The following ECE1 variants were observed in gnomAD, a reference collection of about 807,000 sequenced individuals.
ECE1 encodes the protein endothelin-converting enzyme 1.
In ECE1, 35 loss-of-function variants were observed where a neutral mutation model predicts 98.6. That is an observed-to-expected ratio of 0.35 (90% confidence interval 0.27 to 0.47). The LOEUF is 0.47. ECE1 is among the 20% of genes least tolerant of loss of function. ECE1 has a pLI of 1.00. For missense variants in ECE1, 814 were observed against 1,025.3 expected, an observed-to-expected ratio of 0.79 and a Z score of 2.81; for synonymous variants, 394 against 407.1, an observed-to-expected ratio of 0.97 and a Z score of 0.39.
intron 1 of ECE1, among the ~76,000 whole-genome samples, chr1:21,302,910 G>A (rs968171004): frequency 2.6e-5 from 4 of 152,190 alleles, no homozygotes; most frequent in South Asian, 4.1e-4. Context: ...GCAGCCTGCC[G>A]TGGCCCTGGG....
chr1:21,259,279 T>A (rs1024101916), intron 5 of ECE1, among the ~76,000 whole-genome samples: 2 of 152,128 alleles, frequency 1.3e-5, no homozygotes, highest in African/African-American at 4.8e-5. Context: ...TTAAAAAAAT[T>A]TTTTTTGAGA....
intron 10 of ECE1, among the ~76,000 whole-genome samples, chr1:21,244,543 T>C (rs921279577): frequency 1.3e-5 from 2 of 152,158 alleles, no homozygotes; most frequent in Non-Finnish European, 2.9e-5. Context: ...TCAGGGCTCC[T>C]GGCAGGGGCA....
intron 2 of ECE1, among the ~76,000 whole-genome samples, chr1:21,284,044 C>G (rs533055729): frequency 3.9e-5 from 6 of 152,272 alleles, no homozygotes; most frequent in African/African-American, 1.2e-4. Context: ...TGGCCAATTC[C>G]TGGGTGCAAT....
chr1:21,272,600 CAAGCTCCTCCTTT>C, intron 4 of ECE1, 86 bp downstream of exon 4: 1 of 1,469,970 alleles, frequency 6.8e-7, no homozygotes, highest in Non-Finnish European at 9.4e-7. Context: ...CCCATTCTGC[CAAGCTCCTCCTTT>C]AAGCAGGCGC....
Position 21,345,473 on chromosome 1 carries a change from C to G in ECE1, c.-95G>C. The G allele has an allele frequency of 8.6e-7, 1 of 1,157,362 alleles. No homozygotes were observed. Among genetic ancestry groups the G allele is most frequent in the Non-Finnish European group, 1.1e-6 (1 of 914,458 alleles). The allele number at this position is 1,157,362 out of a possible 1,614,324, so 71.7% of individuals were successfully genotyped here. On this transcript the variant is annotated 5_prime_UTR_variant, in exon 1 of 19. Coordinates refer to the ECE1 transcript ENST00000415912. This position sits in a 1 kb window ranked among gnomAD's most constrained non-coding sequence, Gnocchi z 5.1. ...CCTGCTCCCAGCCCAGCTGCTCGGA[C>G]GGCTCGGCTGCCTGGCCCAGGCGGC...
intron 14 of ECE1, among the ~76,000 whole-genome samples, chr1:21,231,611 G>A (rs2098181817): frequency 6.6e-6 from 1 of 152,032 alleles, no homozygotes; most frequent in Admixed American, 6.6e-5. Flanking sequence ...CAAAGTACTG[G>A]GATTACCGGT....
chr1:21,302,746 G>T (rs1045926298), intron 1 of ECE1, among the ~76,000 whole-genome samples: 7 of 152,130 alleles, frequency 4.6e-5, no homozygotes, highest in African/African-American at 1.7e-4. Flanking sequence ...GGCCCGCCCT[G>T]CCCCCTTTGG....
intron 4 of ECE1, among the ~76,000 whole-genome samples, chr1:21,262,398 G>A (rs991473519): frequency 7.2e-5 from 11 of 152,162 alleles, no homozygotes; most frequent in Non-Finnish European, 1.0e-4. Flanking sequence ...GGAGTGCCTC[G>A]CCCCTCCCAG....
chr1:21,254,611 C>T (rs575526509), intron 8 of ECE1, among the ~76,000 whole-genome samples: 6 of 152,270 alleles, frequency 3.9e-5, no homozygotes, highest in Middle Eastern at 3.4e-3. Flanking sequence ...ATCATGGCCA[C>T]GGTAGGGGGC....
rs1487580870 is a variant in ECE1 at position 21,235,563 on chromosome 1, G to C, written c.1566+287C>G. Among the ~76,000 whole-genome samples the C allele has an allele frequency of 6.6e-6, 1 of 152,200 alleles. No homozygotes were observed. The highest frequency in any genetic ancestry group is 2.4e-5 in the African/African-American group (1 of 41,448). On this transcript the variant is annotated intron_variant, in intron 13 of 18. Coordinates refer to ENST00000374893, the MANE Select transcript of ECE1 (RefSeq NM_001397.3). The surrounding 1 kb of genome is among the most constrained non-coding windows in gnomAD (Gnocchi z 4.2). ...CATTATTTCCCACATATTAAATGGA[G>C]CTGACCACTTCCAGGGGGCACACAG...
At position 21,307,049 on chromosome 1, in the gene ECE1, G is replaced by A. The variant is rs903340353; in HGVS notation, c.4-16893C>T. ...CAGCGAGGACTGAGCCAACTCTTGG[G>A]CTTAGGATGACTGAGGTCCACCGAG... On this transcript the variant is annotated intron_variant, in intron 1 of 18. Coordinates refer to the ECE1 transcript ENST00000415912. This position sits in a 1 kb window ranked among gnomAD's most constrained non-coding sequence, Gnocchi z 4.2. 1.3e-4 allele frequency among the ~76,000 whole-genome samples: 20 copies of A among 152,120 alleles called. No homozygotes were observed. The highest frequency in any genetic ancestry group is 4.3e-4 in the African/African-American group (18 of 41,422).
intron 3 of ECE1, among the ~76,000 whole-genome samples, chr1:21,275,210 G>A (rs2098245135): frequency 3.9e-5 from 6 of 152,190 alleles, no homozygotes; most frequent in Admixed American, 3.9e-4. Flanking sequence ...GTGTGAGAGA[G>A]AGACAGACTG....
chr1:21,306,423 G>A (rs1638599961), intron 1 of ECE1, among the ~76,000 whole-genome samples: 1 of 150,938 alleles, frequency 6.6e-6, no homozygotes. Flanking sequence ...TGCAACCTCC[G>A]CCTCCTGGGT....
At chr1:21,330,133 CTTTTTTTTTT>C (rs397860522) in intron 1 of ECE1, among the ~76,000 whole-genome samples, 1 of 86,490 alleles carries the variant, frequency 1.2e-5, no homozygotes, top group Non-Finnish European at 2.1e-5. Context: ...TCACTAAATA[CTTTTTTTTTT>C]TTTTTTTTTT....
chr1:21,222,456 C>G (rs895705415), intron 17 of ECE1, among the ~76,000 whole-genome samples: 2 of 152,106 alleles, frequency 1.3e-5, no homozygotes, highest in Admixed American at 6.6e-5. Flanking sequence ...GCTGGCAAAC[C>G]TTTTCTGTGG....
chr1:21,287,125 C>T (rs1226478447), intron 2 of ECE1, among the ~76,000 whole-genome samples: 1 of 152,152 alleles, frequency 6.6e-6, no homozygotes, highest in Non-Finnish European at 1.5e-5. Flanking sequence ...CTTGGGACTT[C>T]CTAAAACGAA....
At chr1:21,294,068 C>T (rs1638281147), upstream of ECE1, 1 of 152,624 alleles carries the variant, frequency 6.6e-6, no homozygotes, top group African/African-American at 2.4e-5. This position sits in a 1 kb window ranked among gnomAD's most constrained non-coding sequence, Gnocchi z 4.2. Flanking sequence ...GCGAATCTTC[C>T]CCTTGCCAAA....
chr1:21,335,709 C>CT (rs1639294371), intron 1 of ECE1, among the ~76,000 whole-genome samples: 2 of 152,214 alleles, frequency 1.3e-5, no homozygotes, highest in African/African-American at 4.8e-5. Context: ...CTTCTGCAAG[C>CT]TACAGGCCAG....
upstream of ECE1, among the ~76,000 whole-genome samples, chr1:21,292,663 AGAGT>A (rs1287969093): frequency 1.3e-5 from 2 of 152,210 alleles, no homozygotes; most frequent in Admixed American, 6.5e-5. Flanking sequence ...CACCCGGCAC[AGAGT>A]AGGTGCTCAA....
Sources: allele counts gnomAD v4.1 joint callset (sites outside exome capture counted in the v4.1 genomes callset), GRCh38; gene constraint gnomAD v4.1.1; non-coding constraint Gnocchi (gnomAD v3.1); transcripts MANE v1.5; gene names NCBI Gene and HGNC (gene_info 2026-07-23, HGNC 2026-07-21).